The following METTL8 variants were observed in gnomAD, a reference collection of about 807,000 sequenced individuals.
METTL8 encodes methyltransferase 8, tRNA N3-cytidine, also known as tRNA N(3)-cytidine methyltransferase METTL8, mitochondrial.
A neutral mutation model predicts 48.7 loss-of-function variants in METTL8; 32 were observed. The ratio of observed to expected loss-of-function variants is 0.66; its 90% CI spans 0.50 to 0.88. METTL8 has a LOEUF of 0.88. Among genes scored for constraint, METTL8 ranks in the 40% least tolerant of loss-of-function variants. METTL8 has a pLI of 0.00. For missense variants in METTL8, 464 were observed against 474.4 expected (o/e 0.98, Z 0.20); for synonymous variants, 136 against 157.1 (o/e 0.87, Z 1.01).
Position 171,316,219 on chromosome 2 carries a change from A to G in METTL8, c.*7953T>C, listed in dbSNP as rs1684256915. ...CAGCTTGCTTATCCAGGGAATGAGCAGGACTTAATTCTCATGCCGGCATGG... is the reference window on the plus strand; with the variant it reads ...CAGCTTGCTTATCCAGGGAATGAGCGGGACTTAATTCTCATGCCGGCATGG... On this transcript the variant is annotated 3_prime_UTR_variant, in exon 10 of 10. Transcript: ENST00000375258. Among the ~76,000 whole-genome samples, 1 of 152,358 alleles carries G rather than the reference A, an allele frequency of 6.6e-6. No homozygotes were observed. Among genetic ancestry groups the G allele is most frequent in the African/African-American group, 2.4e-5 (1 of 41,584 alleles).
intron 2 of METTL8, among the ~76,000 whole-genome samples, chr2:171,376,282 A>G (rs1445824443): frequency 3.9e-5 from 6 of 152,194 alleles, no homozygotes; most frequent in African/African-American, 1.4e-4. Context: ...TCAAAGCTCA[A>G]GTTAAATCCT....
At chr2:171,374,012 T>G (rs1574031953) in intron 2 of METTL8, among the ~76,000 whole-genome samples, 3 of 152,228 alleles carry the variant, frequency 2.0e-5, no homozygotes, top group Non-Finnish European at 4.4e-5. Context: ...TCCAATTCTG[T>G]GAAGAAAGTC....
At chr2:171,434,529 G>A, upstream of METTL8, 7 of 1,523,178 alleles carry the variant, frequency 4.6e-6, no homozygotes, top group Non-Finnish European at 6.1e-6. Flanking sequence ...GGGAGTGTGG[G>A]GCGCGCCACT....
At chr2:171,347,465 G>A (rs1349057110) in intron 3 of METTL8, among the ~76,000 whole-genome samples, 2 of 152,074 alleles carry the variant, frequency 1.3e-5, no homozygotes, top group African/African-American at 2.4e-5. Context: ...ACATACAAAC[G>A]ACTTTAAGGG....
At chr2:171,411,972 A>C (rs1006018323) in intron 1 of METTL8, among the ~76,000 whole-genome samples, 5 of 152,262 alleles carry the variant, frequency 3.3e-5, no homozygotes, top group African/African-American at 1.2e-4. Flanking sequence ...GCTATGAATA[A>C]GCATTTACTA....
chr2:171,352,804 C>A (rs1394192690), intron 3 of METTL8, among the ~76,000 whole-genome samples: 1 of 152,206 alleles, frequency 6.6e-6, no homozygotes, highest in Non-Finnish European at 1.5e-5. Context: ...TCTGTGGGAT[C>A]AGTGGTGATA....
intron 7 of METTL8, among the ~76,000 whole-genome samples, chr2:171,328,676 A>G (rs939022413): frequency 2.6e-5 from 4 of 151,974 alleles, no homozygotes; most frequent in African/African-American, 9.7e-5. Flanking sequence ...ACGCCCAGCT[A>G]ATTTTTGTAT....
chr2:171,425,540 G>A (rs1233099593), intron 1 of METTL8, among the ~76,000 whole-genome samples: 6 of 152,184 alleles, frequency 3.9e-5, no homozygotes, highest in African/African-American at 9.7e-5. Context: ...AGTGGGCAAC[G>A]TCTCAGAGCT....
At chr2:171,426,142 G>C (rs1692396051) in intron 1 of METTL8, among the ~76,000 whole-genome samples, 1 of 152,094 alleles carries the variant, frequency 6.6e-6, no homozygotes, top group Non-Finnish European at 1.5e-5. Flanking sequence ...GGGCAATAGA[G>C]TAAGACTCCA....
intron 1 of METTL8, among the ~76,000 whole-genome samples, chr2:171,428,635 AGTTTCTGCCCAG>A (rs1692661820): frequency 6.6e-6 from 1 of 152,246 alleles, no homozygotes. Flanking sequence ...ATTACTACTC[AGTTTCTGCCCAG>A]GTTAGTTGAG....
At chr2:171,430,339 C>T (rs1692870596) in intron 1 of METTL8, among the ~76,000 whole-genome samples, 1 of 151,234 alleles carries the variant, frequency 6.6e-6, no homozygotes, top group Non-Finnish European at 1.5e-5. Flanking sequence ...GCCTGGACAA[C>T]AGAGCAAGAC....
chr2:171,408,021 T>C (rs867667255), intron 1 of METTL8, among the ~76,000 whole-genome samples: 4 of 152,218 alleles, frequency 2.6e-5, no homozygotes, highest in Admixed American at 6.5e-5. Flanking sequence ...TTGCAATTTA[T>C]TTTCAGTAAA....
intron 2 of METTL8, chr2:171,375,213 G>T: frequency 7.4e-7 from 1 of 1,356,042 alleles, no homozygotes; most frequent in Non-Finnish European, 1.0e-6. Flanking sequence ...AGTTAGTGCA[G>T]CGAATAGGAT....
Position 171,323,908 on chromosome 2 carries a change from A to G in METTL8, c.*264T>C. On this transcript the variant is annotated 3_prime_UTR_variant, in exon 10 of 10. Coordinates refer to ENST00000375258, the MANE Select transcript of METTL8 (RefSeq NM_001321154.2). ...AATACTAACTTAATTGAATGCTTAT[A>G]AAAATCAAGGAACAAGCAAAATGGT... is the stretch of plus-strand genomic sequence containing the variant. 1 of 320,504 alleles carries G rather than the reference A, an allele frequency of 3.1e-6. No homozygotes were observed. The highest frequency in any genetic ancestry group is 5.6e-6 in the Non-Finnish European group (1 of 177,738). 19.9% of individuals were successfully genotyped at this position (320,504 alleles called of 1,614,324 possible).
At chr2:171,368,788 G>A (rs988763928) in intron 2 of METTL8, among the ~76,000 whole-genome samples, 11 of 152,110 alleles carry the variant, frequency 7.2e-5, no homozygotes, top group African/African-American at 2.7e-4. Flanking sequence ...TGTAGTCCCA[G>A]CTACTCGGGA....
In METTL8 at chr2:171,316,423, G is replaced by A. The variant is rs1408125732; in HGVS notation, c.*7749C>T. 1.3e-5 allele frequency among the ~76,000 whole-genome samples: 2 copies of A among 152,196 alleles called. No individual in the cohort carries two copies. The highest frequency in any genetic ancestry group is 4.8e-5 in the African/African-American group (2 of 41,446). The stretch of plus-strand genomic sequence containing the variant: ...GCAAAAGTATTTCCTTGCACTATTT[G>A]GCAAGAGAAAGAAGCACCTGGAGAG... On this transcript the variant is annotated 3_prime_UTR_variant, in exon 10 of 10. Coordinates refer to ENST00000375258, the MANE Select transcript of METTL8 (RefSeq NM_001321154.2).
At position 171,413,907 on chromosome 2, in the gene METTL8, G is replaced by T. The variant is rs191605243; in HGVS notation, c.-13+19976C>A. ...GAACTGAGAGACCTTTCCTGAGGGGGCTTTGGTAATACATATGAAAATTTT... is the reference window on the plus strand; with the variant it reads ...GAACTGAGAGACCTTTCCTGAGGGGTCTTTGGTAATACATATGAAAATTTT... On this transcript the variant is annotated intron_variant, in intron 1 of 9. Transcript: ENST00000375258. Among the ~76,000 whole-genome samples the T allele has an allele frequency of 4.3e-4, 65 of 152,126 alleles. 1 individual carries two copies. Among genetic ancestry groups the T allele is most frequent in the East Asian group, 3.9e-4 (2 of 5,188 alleles).
At chr2:171,413,238 A>G (rs1157405371) in intron 1 of METTL8, among the ~76,000 whole-genome samples, 1 of 152,232 alleles carries the variant, frequency 6.6e-6, no homozygotes, top group Non-Finnish European at 1.5e-5. Context: ...TTGGTGTAGT[A>G]GTAAAGTAGA....
chr2:171,325,036 C>T (rs1044077332), intron 9 of METTL8, among the ~76,000 whole-genome samples: 13 of 145,296 alleles, frequency 8.9e-5, no homozygotes, highest in African/African-American at 2.8e-4. Flanking sequence ...GTGGGAGAAT[C>T]GTTTGAACCG....
Sources: allele counts gnomAD v4.1 joint callset (sites outside exome capture counted in the v4.1 genomes callset), GRCh38; gene constraint gnomAD v4.1.1; transcripts MANE v1.5; gene names NCBI Gene and HGNC (gene_info 2026-07-23, HGNC 2026-07-21).